Variants in PARD3B observed in about 807,000 individuals in gnomAD.
PARD3B encodes the protein partitioning defective 3 homolog B.
A neutral mutation model predicts 130.2 loss-of-function variants in PARD3B; 103 were observed. The observed-to-expected ratio is 0.79, with a 90% CI of 0.67 to 0.93. The LOEUF (loss-of-function observed/expected upper bound fraction) is 0.93. Ranked by LOEUF, PARD3B falls within the 40% of genes least tolerant of loss-of-function variation. PARD3B has a pLI of 0.00. For synonymous variants in PARD3B, 583 were observed against 553.2 expected, an observed-to-expected ratio of 1.05 and a Z score of -0.76; for missense variants, 1,609 against 1,499.2, an observed-to-expected ratio of 1.07 and a Z score of -1.21.
chr2:204,837,281 G>A (rs970508765), intron 2 of PARD3B, among the ~76,000 whole-genome samples: 8 of 151,878 alleles, frequency 5.3e-5, no homozygotes, highest in South Asian at 2.1e-4. Context: ...ACAAGAGCCC[G>A]TGTCTTCTAA....
In PARD3B at chr2:205,515,877, T is replaced by C. The variant is rs746322592; in HGVS notation, c.3180+15846T>C. ...TTGTCATGAAACCTTTGACTGTTCC[T>C]ATGTCCAGGATGGTATTGCCTGGGT... On this transcript the variant is annotated intron_variant, in intron 21 of 22. Transcript: ENST00000406610. Among the ~76,000 whole-genome samples the C allele has an allele frequency of 2.6e-5, 4 of 152,202 alleles. No individual in the cohort carries two copies. The South Asian group carries it at 8.3e-4, about 32-fold the overall frequency.
At chr2:205,577,310 T>C (rs1429537537) in intron 22 of PARD3B, among the ~76,000 whole-genome samples, 1 of 152,180 alleles carries the variant, frequency 6.6e-6, no homozygotes, top group Non-Finnish European at 1.5e-5. Flanking sequence ...CTTAGTGCAT[T>C]AACTAGGACT....
At chr2:205,083,947 G>A (rs1480615408) in intron 4 of PARD3B, among the ~76,000 whole-genome samples, 1 of 151,846 alleles carries the variant, frequency 6.6e-6, no homozygotes, top group Non-Finnish European at 1.5e-5. Context: ...CCAACATCAC[G>A]ACATTTATAT....
At chr2:205,501,254 G>T (rs1346185688) in intron 21 of PARD3B, among the ~76,000 whole-genome samples, 1 of 152,194 alleles carries the variant, frequency 6.6e-6, no homozygotes, top group Non-Finnish European at 1.5e-5. Flanking sequence ...GCACAGTGCA[G>T]ATGGGCGATC....
chr2:204,723,849 G>A (rs78529337), intron 2 of PARD3B, among the ~76,000 whole-genome samples: 1,850 of 152,236 alleles, frequency 0.012, 27 homozygotes, highest in African/African-American at 0.042. Context: ...TGATCAACAT[G>A]CTGGTGTAAC....
rs150772391 is a variant in PARD3B, at chr2:205,357,010, A to C, written c.2631-44003A>C. 5.3e-5 allele frequency among the ~76,000 whole-genome samples: 8 copies of C among 152,198 alleles called. No homozygotes were observed. In the East Asian group the frequency reaches 1.5e-3, roughly 29 times the overall value. On this transcript the variant is annotated intron_variant, in intron 18 of 22. Coordinates refer to ENST00000406610, the MANE Select transcript of PARD3B (RefSeq NM_001302769.2). The stretch of plus-strand genomic sequence containing the variant: ...TTCAAACTATTATCTATTGTTTCTC[A>C]TTTGCATAATAATTGTATGACTGCT...
At position 204,967,912 on chromosome 2, in the gene PARD3B, G is replaced by A. The variant is rs1278538726; in HGVS notation, c.394+2589G>A. On this transcript the variant is annotated intron_variant, in intron 3 of 22. Transcript: ENST00000406610. The surrounding 1 kb of genome is among the most constrained non-coding windows in gnomAD (Gnocchi z 4.4). ...TGAAAGCCTGCTTAGGTGAAGAATGGGAGGGGCGGTGAGAGGAGTTTTGCA... is the reference window on the plus strand; with the variant it reads ...TGAAAGCCTGCTTAGGTGAAGAATGAGAGGGGCGGTGAGAGGAGTTTTGCA... Among the ~76,000 whole-genome samples, 3 of 152,128 alleles carry A rather than the reference G, an allele frequency of 2.0e-5. No homozygotes were observed. Among genetic ancestry groups the A allele is most frequent in the Admixed American group, 6.5e-5 (1 of 15,272 alleles).
intron 1 of PARD3B, among the ~76,000 whole-genome samples, chr2:204,566,542 G>C (rs1323795588): frequency 1.3e-5 from 2 of 151,754 alleles, no homozygotes; most frequent in Non-Finnish European, 2.9e-5. Context: ...GTCTTATAAA[G>C]TTCTCATCAT....
At chr2:205,369,621 AT>A (rs1421533543) in intron 18 of PARD3B, among the ~76,000 whole-genome samples, 3 of 152,026 alleles carry the variant, frequency 2.0e-5, no homozygotes, top group African/African-American at 7.2e-5. Flanking sequence ...ATTTCTTCCC[AT>A]TTTTCAAGAC....
At chr2:204,862,929 A>C (rs78727199) in intron 2 of PARD3B, among the ~76,000 whole-genome samples, 4,758 of 152,260 alleles carry the variant, frequency 0.031, 218 homozygotes, top group African/African-American at 0.097. Flanking sequence ...CCAGTTCACC[A>C]CCCAGGAACT....
At chr2:205,335,683 G>A (rs751980221) in intron 18 of PARD3B, among the ~76,000 whole-genome samples, 1 of 152,094 alleles carries the variant, frequency 6.6e-6, no homozygotes, top group Non-Finnish European at 1.5e-5. Context: ...GTTCTACGTG[G>A]CTGGGGAGGC....
chr2:205,565,474 G>A (rs2053289895), intron 22 of PARD3B, among the ~76,000 whole-genome samples: 1 of 152,152 alleles, frequency 6.6e-6, no homozygotes, highest in African/African-American at 2.4e-5. Context: ...TCTAGCCAGT[G>A]TTTTATAGGA....
chr2:204,893,558 AT>A (rs1360592813), intron 2 of PARD3B, among the ~76,000 whole-genome samples: 2 of 152,186 alleles, frequency 1.3e-5, no homozygotes, highest in Admixed American at 1.3e-4. Flanking sequence ...AATTTTAAAT[AT>A]TTTAGTAGCC....
intron 16 of PARD3B, among the ~76,000 whole-genome samples, chr2:205,272,905 C>T (rs1413046239): frequency 6.6e-6 from 1 of 152,170 alleles, no homozygotes; most frequent in African/African-American, 2.4e-5. Context: ...CAGGTTGCTA[C>T]TCCAAAGTCA....
intron 15 of PARD3B, among the ~76,000 whole-genome samples, chr2:205,205,245 C>CTGTT (rs1475530598): frequency 2.7e-4 from 41 of 149,820 alleles, no homozygotes; most frequent in East Asian, 7.9e-4. Context: ...ATTTGGCTCT[C>CTGTT]TGTCTGTTAC....
In PARD3B at chr2:204,550,412, C is replaced by CTGTGTGTGTGTG. The variant is rs3051346; in HGVS notation, c.120+4319_120+4330dup. On this transcript the variant is annotated intron_variant, in intron 1 of 22. Coordinates refer to ENST00000406610, the MANE Select transcript of PARD3B (RefSeq NM_001302769.2). ...GGAATGCATGGATGCGGAGGGCTGA[C>CTGTGTGTGTGTG]TGTGTGTGTGTGTGTGTGTGTGTGT... Among the ~76,000 whole-genome samples the CTGTGTGTGTGTG allele has an allele frequency of 2.4e-3, 343 of 144,382 alleles. 2 individuals carry two copies. The highest frequency in any genetic ancestry group is 5.2e-3 in the Admixed American group (75 of 14,454). The allele number at this position is 144,382 out of a possible 152,430, so 94.7% of individuals were successfully genotyped here.
chr2:204,764,273 C>T (rs998568417), intron 2 of PARD3B, among the ~76,000 whole-genome samples: 1 of 152,178 alleles, frequency 6.6e-6, no homozygotes, highest in Non-Finnish European at 1.5e-5. Flanking sequence ...AAGCCCTTAG[C>T]TTGAGTTACT....
intron 19 of PARD3B, among the ~76,000 whole-genome samples, chr2:205,436,667 C>T (rs898580024): frequency 6.6e-5 from 10 of 151,746 alleles, no homozygotes; most frequent in Non-Finnish European, 1.2e-4. Flanking sequence ...AGCTTCAATT[C>T]TACATGATCT....
At chr2:204,822,291 G>T (rs543579798) in intron 2 of PARD3B, among the ~76,000 whole-genome samples, 1 of 152,324 alleles carries the variant, frequency 6.6e-6, no homozygotes, top group South Asian at 2.1e-4. Context: ...CTGAATTGCT[G>T]CAATCTTATG....
Sources: gnomAD v4.1 joint callset for allele counts (sites outside exome capture counted in the v4.1 genomes callset) on GRCh38, gnomAD v4.1.1 for gene constraint, Gnocchi (gnomAD v3.1) non-coding constraint, MANE v1.5 for transcripts, NCBI Gene and HGNC (gene_info 2026-07-23, HGNC 2026-07-21) for gene names.